The following COMT variants were observed in gnomAD, a reference collection of about 807,000 sequenced individuals.
COMT encodes the protein catechol-O-methyltransferase, also known as catechol O-methyltransferase.
A neutral mutation model predicts 18.9 loss-of-function variants in COMT; 13 were observed. The ratio of observed to expected loss-of-function variants is 0.69; its 90% CI spans 0.45 to 1.09. The LOEUF is 1.09. Among genes scored for constraint, COMT ranks in the 50% least tolerant of loss-of-function variants. COMT has a pLI of 0.00. For missense variants in COMT, 329 were observed against 361.8 expected (o/e 0.91, Z 0.73); for synonymous variants, 150 against 160.9 (o/e 0.93, Z 0.51).
intron 5 of COMT, chr22:19,966,875 G>A: frequency 1.1e-6 from 1 of 922,384 alleles, no homozygotes; most frequent in Non-Finnish European, 1.3e-6. Flanking sequence ...AGGAGGGTGG[G>A]CCAGATGAAA....
intron 1 of COMT, among the ~76,000 whole-genome samples, chr22:19,958,166 A>ATTTT (rs361708): frequency 1.4e-5 from 2 of 139,322 alleles, no homozygotes; most frequent in Admixed American, 7.2e-5. Flanking sequence ...AGCATGTTTA[A>ATTTT]TTTTTTTTTT....
chr22:19,959,268 T>G (rs1247395596), intron 1 of COMT, among the ~76,000 whole-genome samples: 1 of 152,250 alleles, frequency 6.6e-6, no homozygotes, highest in East Asian at 1.9e-4. Context: ...GAGGCCTGAT[T>G]CTCGGCTTTT....
rs4633 is a variant in COMT, at chr22:19,962,712, C to T, written c.186C>T (p.His62=). 794,478 of 1,613,292 alleles carry T rather than the reference C, an allele frequency of 0.49. 198,896 individuals carry two copies. Among genetic ancestry groups the T allele is most frequent in the Non-Finnish European group, 0.52 (609,772 of 1,179,774 alleles). Reference sequence around the variant, plus strand: ...CCAAGGAGCAGCGCATCCTGAACCACGTGCTGCAGCATGCGGAGCCCGGGA... The same window carrying T: ...CCAAGGAGCAGCGCATCCTGAACCATGTGCTGCAGCATGCGGAGCCCGGGA... The part of the protein sequence containing the change: ...GDTKEQRILN[H]VLQHAEPGNA... The change falls in exon 3 of 6, where the codon CAC becomes CAT. Residue 62 remains histidine, a synonymous_variant. Transcript: ENST00000361682.
chr22:19,959,466 CGGGGCCTCCCCTTCT>C (rs1256668686), intron 1 of COMT, among the ~76,000 whole-genome samples: 1 of 151,706 alleles, frequency 6.6e-6, no homozygotes, highest in African/African-American at 2.4e-5. Context: ...GCCCAGTGGG[CGGGGCCTCCCCTTCT>C]GGGGCCTCCC....
At chr22:19,963,331 G>A in intron 3 of COMT, 1 of 605,866 alleles carries the variant, frequency 1.7e-6, no homozygotes, top group Admixed American at 2.9e-5. Context: ...TAGAGGCTAA[G>A]GGACCATGGG....
At chr22:19,948,295 C>G (rs1569125285) in intron 1 of COMT, among the ~76,000 whole-genome samples, 1 of 151,646 alleles carries the variant, frequency 6.6e-6, no homozygotes, top group East Asian at 1.9e-4. Context: ...CTTATAAGGT[C>G]ACAGGACAGA....
chr22:19,956,711 G>A (rs1454918013), intron 1 of COMT, among the ~76,000 whole-genome samples: 1 of 151,816 alleles, frequency 6.6e-6, no homozygotes, highest in Non-Finnish European at 1.5e-5. Context: ...TTTTTAAAAT[G>A]AGCCTAGAAA....
chr22:19,967,392 C>T (rs949430761), intron 5 of COMT: 4 of 458,706 alleles, frequency 8.7e-6, no homozygotes, highest in Non-Finnish European at 1.7e-5. Context: ...ATTGCTAGGA[C>T]ATTTTTTTTT....
At chr22:19,946,910 G>GTTTTTTTT (rs35689277) in intron 1 of COMT, among the ~76,000 whole-genome samples, 2 of 117,118 alleles carry the variant, frequency 1.7e-5, no homozygotes, top group Non-Finnish European at 3.4e-5. Context: ...TTTTTTTTTA[G>GTTTTTTTT]TTTTTTTTTT....
At position 19,968,581 on chromosome 22, in the gene COMT, G is replaced by T. The variant is rs775712233; in HGVS notation, c.661G>T (p.Val221Leu). The change falls in exon 6 of 6, where the codon GTG becomes TTG. Residue 221 changes from valine (V) to leucine (L), a missense_variant. Val to Leu is a conservative substitution (Grantham distance 32). Transcript: ENST00000361682. ...RKGTVLLADNVICPGAPDFLA... is the reference protein window; with the variant it reads ...RKGTVLLADNLICPGAPDFLA... Reference sequence around the variant, plus strand: ...GGGGACAGTGCTACTGGCTGACAACGTGATCTGCCCAGGTGCGCCAGACTT... The same window carrying T: ...GGGGACAGTGCTACTGGCTGACAACTTGATCTGCCCAGGTGCGCCAGACTT... The T allele has an allele frequency of 6.2e-7, 1 of 1,613,972 alleles. No individual in the cohort carries two copies. The highest frequency in any genetic ancestry group is 8.5e-7 in the Non-Finnish European group (1 of 1,180,018).
At chr22:19,956,120 CTTTTTTTTCTTTTTTTCTTTTTTTTT>C (rs1434491279) in intron 1 of COMT, among the ~76,000 whole-genome samples, 4 of 131,254 alleles carry the variant, frequency 3.0e-5, no homozygotes, top group African/African-American at 1.1e-4. Flanking sequence ...ATCTTTCTTT[CTTTTTTTTCTTTTTTTCTTTTTTTTT>C]TTTTTTTTTT....
chr22:19,951,173 C>A (rs1458625736), intron 1 of COMT: 2 of 152,078 alleles, frequency 1.3e-5, no homozygotes, highest in Non-Finnish European at 2.9e-5. Flanking sequence ...TCCTGGCTAA[C>A]ACGGTGAAAC....
chr22:19,963,927 C>T (rs1942269397), intron 4 of COMT, 168 bp downstream of exon 4: 11 of 1,161,626 alleles, frequency 9.5e-6, no homozygotes, highest in African/African-American at 1.5e-5. Context: ...AAGACCCCCC[C>T]AGCAGCTCAG....
chr22:19,958,021 G>C (rs1942102968), intron 1 of COMT, among the ~76,000 whole-genome samples: 1 of 152,084 alleles, frequency 6.6e-6, no homozygotes, highest in Non-Finnish European at 1.5e-5. Flanking sequence ...CGAGTATCTG[G>C]TTTAGTCCCT....
At chr22:19,943,851 T>A (rs1941791187) in intron 1 of COMT, among the ~76,000 whole-genome samples, 1 of 151,912 alleles carries the variant, frequency 6.6e-6, no homozygotes, top group Admixed American at 6.6e-5. Context: ...GGCATTGGTA[T>A]CCCAGTTGTG....
chr22:19,963,059 G>A (rs1003341270), intron 3 of COMT, among the ~76,000 whole-genome samples: 3 of 152,172 alleles, frequency 2.0e-5, no homozygotes, highest in African/African-American at 7.2e-5. Flanking sequence ...TCTGACGGTG[G>A]TGCAGTTCCC....
intron 5 of COMT, chr22:19,964,551 G>T: frequency 1.6e-6 from 1 of 637,184 alleles, no homozygotes; most frequent in Non-Finnish European, 2.8e-6. Context: ...GCCTGTGCAG[G>T]TGCAAAATGG....
At chr22:19,966,190 G>A (rs1013138361) in intron 5 of COMT, among the ~76,000 whole-genome samples, 6 of 152,296 alleles carry the variant, frequency 3.9e-5, no homozygotes, top group African/African-American at 1.4e-4. Context: ...CTTGTTAAAC[G>A]CACATCTGCA....
intron 1 of COMT, among the ~76,000 whole-genome samples, chr22:19,954,806 C>A (rs1569128786): frequency 6.6e-6 from 1 of 152,290 alleles, no homozygotes; most frequent in Admixed American, 6.5e-5. Flanking sequence ...AGGCCCCTCG[C>A]AGGGTGCCCA....
Sources: allele counts gnomAD v4.1 joint callset (sites outside exome capture counted in the v4.1 genomes callset), GRCh38; gene constraint gnomAD v4.1.1; transcripts MANE v1.5; gene names NCBI Gene and HGNC (gene_info 2026-07-23, HGNC 2026-07-21).